YAF2: variants seen among roughly 807,000 people sequenced by gnomAD.
YAF2 encodes the protein YY1 associated factor 2, also known as YY1-associated factor 2.
YAF2 carries 7 observed loss-of-function variants against 20.1 expected under a neutral mutation model. The ratio of observed to expected loss-of-function variants is 0.35; its 90% CI spans 0.20 to 0.65. The LOEUF is 0.65. Ranked by LOEUF, YAF2 falls within the 30% of genes least tolerant of loss-of-function variation. YAF2 has a pLI of 0.69. For synonymous variants in YAF2, 74 were observed against 76.0 expected, an observed-to-expected ratio of 0.97 and a Z score of 0.14; for missense variants, 151 against 219.2, an observed-to-expected ratio of 0.69 and a Z score of 1.96.
chr12:42,175,772 T>TAAAAAAAAAAAAAAAAAAAAAAAA (rs1277338221), intron 2 of YAF2, among the ~76,000 whole-genome samples: 62 of 88,844 alleles, frequency 7.0e-4, no homozygotes, highest in Non-Finnish European at 1.2e-3. Context: ...AAAAAAAAAT[T>TAAAAAAAAAAAAAAAAAAAAAAAA]AAAACAGGAA....
At chr12:42,166,347 G>A (rs1413891804) in intron 2 of YAF2, among the ~76,000 whole-genome samples, 2 of 152,150 alleles carry the variant, frequency 1.3e-5, no homozygotes, top group Non-Finnish European at 2.9e-5. Flanking sequence ...CTCTGCTTCA[G>A]AATTACCATT....
chr12:42,157,260 A>T lies in YAF2; in HGVS notation c.*3329T>A, dbSNP rs1367743146. ...GCAAAGAGAACAGAACACAAGAAGCATCCTCACTTCATAACAACCCACTCT... is the reference window on the plus strand; with the variant it reads ...GCAAAGAGAACAGAACACAAGAAGCTTCCTCACTTCATAACAACCCACTCT... On this transcript the variant is annotated 3_prime_UTR_variant, in exon 4 of 4. Transcript: ENST00000534854. 6.6e-6 allele frequency: 1 copy of T among 152,268 alleles called. No individual in the cohort carries two copies. Among genetic ancestry groups the T allele is most frequent in the Non-Finnish European group, 1.5e-5 (1 of 68,062 alleles). The allele number at this position is 152,268 out of a possible 1,614,324, so 9.4% of individuals were successfully genotyped here. A position where few individuals can be genotyped will look rare whatever the true frequency, so the allele number is the denominator to read the frequency against.
chr12:42,230,862 T>C (rs1039641352), intron 2 of YAF2, among the ~76,000 whole-genome samples: 3 of 151,084 alleles, frequency 2.0e-5, no homozygotes, highest in African/African-American at 7.3e-5. Context: ...GGAAGTAGAG[T>C]TTCAATTTAA....
chr12:42,184,449 A>G (rs1212968871), intron 2 of YAF2, among the ~76,000 whole-genome samples: 1 of 152,092 alleles, frequency 6.6e-6, no homozygotes, highest in Non-Finnish European at 1.5e-5. Context: ...AGCTGGGACT[A>G]CAGGCATGTG....
intron 2 of YAF2, among the ~76,000 whole-genome samples, chr12:42,215,924 CAAAAAATAAATA>C (rs1164908424): frequency 7.4e-6 from 1 of 135,226 alleles, no homozygotes; most frequent in Non-Finnish European, 1.6e-5. Flanking sequence ...GATTCCAGCT[CAAAAAATAAATA>C]AATAAATAAA....
intron 2 of YAF2, among the ~76,000 whole-genome samples, chr12:42,220,965 A>T (rs1008612770): frequency 2.0e-5 from 3 of 152,210 alleles, no homozygotes; most frequent in Admixed American, 2.0e-4. Context: ...ATATCAAAGA[A>T]GTGAGGATAT....
At chr12:42,169,575 G>T (rs1261084938) in intron 2 of YAF2, among the ~76,000 whole-genome samples, 1 of 151,446 alleles carries the variant, frequency 6.6e-6, no homozygotes, top group Non-Finnish European at 1.5e-5. Context: ...CACCACACCG[G>T]GCTAATTTTT....
intron 2 of YAF2, among the ~76,000 whole-genome samples, chr12:42,179,789 C>CAAAAAA (rs71084622): frequency 4.2e-4 from 36 of 85,146 alleles, no homozygotes; most frequent in Admixed American, 5.9e-4. Flanking sequence ...GTCTAAAAGG[C>CAAAAAA]AAAAAAAAAA....
At chr12:42,222,769 T>C (rs1272412660) in intron 2 of YAF2, among the ~76,000 whole-genome samples, 2 of 152,150 alleles carry the variant, frequency 1.3e-5, no homozygotes, top group East Asian at 3.8e-4. Flanking sequence ...TTTTTCCTTT[T>C]CTTTCAAAAG....
At chr12:42,210,312 G>A (rs2067169280) in intron 2 of YAF2, 1 of 1,359,108 alleles carries the variant, frequency 7.4e-7, no homozygotes, top group Non-Finnish European at 9.9e-7. Context: ...ACAAAATTTG[G>A]GGGGAAAAAA....
chr12:42,214,424 A>AC (rs2067296147), intron 2 of YAF2, among the ~76,000 whole-genome samples: 1 of 152,056 alleles, frequency 6.6e-6, no homozygotes, highest in South Asian at 2.1e-4. Context: ...GGCTCATGCT[A>AC]CCATGCCCGG....
chr12:42,202,518 C>T (rs1176067233), intron 2 of YAF2, among the ~76,000 whole-genome samples: 3 of 152,174 alleles, frequency 2.0e-5, no homozygotes, highest in Non-Finnish European at 2.9e-5. Context: ...TCATACAATA[C>T]GTAATCCTTG....
intron 2 of YAF2, among the ~76,000 whole-genome samples, chr12:42,170,419 T>C (rs550868565): frequency 1.3e-5 from 2 of 152,364 alleles, no homozygotes; most frequent in South Asian, 4.1e-4. Flanking sequence ...CGTATCTTAA[T>C]GATAACAAAG....
rs1282027965 is a variant in YAF2, at chr12:42,208,357, C to T, written c.152+29242G>A. On this transcript the variant is annotated intron_variant, in intron 2 of 3. Coordinates refer to ENST00000534854, the MANE Select transcript of YAF2 (RefSeq NM_005748.6). ...AAGGGAATTGCTTGAACCTGGGAGG[C>T]GGAGGTTGCAGTGAACGGATATCAT... Among the ~76,000 whole-genome samples, 7 of 151,996 alleles carry T rather than the reference C, an allele frequency of 4.6e-5. No individual in the cohort carries two copies. The South Asian group carries it at 6.3e-4, about 14-fold the overall frequency.
rs928771796 is a variant in YAF2, at chr12:42,158,682, G to A, written c.*1907C>T. 6.6e-6 allele frequency: 1 copy of A among 152,120 alleles called. No individual in the cohort carries two copies. The highest frequency in any genetic ancestry group is 2.4e-5 in the African/African-American group (1 of 41,440). The allele number at this position is 152,120 out of a possible 1,614,324, so 9.4% of individuals were successfully genotyped here. ...TGTTCCCGTCTATGTAGAAAGATGAGTATCTTCCCACCTATGTAGAAATAT... is the reference window on the plus strand; with the variant it reads ...TGTTCCCGTCTATGTAGAAAGATGAATATCTTCCCACCTATGTAGAAATAT... On this transcript the variant is annotated 3_prime_UTR_variant, in exon 4 of 4. Coordinates refer to ENST00000534854, the MANE Select transcript of YAF2 (RefSeq NM_005748.6).
rs1279836408 is a variant in YAF2, at chr12:42,238,190, A to G, written c.-10T>C. 1 of 1,495,190 alleles carries G rather than the reference A, an allele frequency of 6.7e-7. No individual in the cohort carries two copies. Among genetic ancestry groups the G allele is most frequent in the Non-Finnish European group, 9.0e-7 (1 of 1,116,660 alleles). 92.6% of individuals were successfully genotyped at this position (1,495,190 alleles called of 1,614,324 possible). On this transcript the variant is annotated 5_prime_UTR_variant, in exon 1 of 4. Transcript: ENST00000534854. ...TCTTCTTGTCTCCCATGGCTTGGCT[A>G]TCACCGCACGCCGAGAGTCGCCGCC...
chr12:42,213,324 A>T (rs2067264657), intron 2 of YAF2, among the ~76,000 whole-genome samples: 1 of 152,222 alleles, frequency 6.6e-6, no homozygotes, highest in Non-Finnish European at 1.5e-5. Flanking sequence ...TTGCAAATGG[A>T]TCCTTCCTCA....
chr12:42,171,359 A>G (rs1421667763), intron 2 of YAF2, among the ~76,000 whole-genome samples: 2 of 152,110 alleles, frequency 1.3e-5, no homozygotes, highest in Admixed American at 1.3e-4. Flanking sequence ...ATAGTGGTGC[A>G]TGCCTGTAGT....
chr12:42,183,701 T>C (rs937041172), intron 2 of YAF2, among the ~76,000 whole-genome samples: 8 of 152,232 alleles, frequency 5.3e-5, no homozygotes, highest in African/African-American at 1.9e-4. Context: ...CAAGTGCTTA[T>C]ATAAAAACTG....
Sources: allele counts gnomAD v4.1 joint callset (sites outside exome capture counted in the v4.1 genomes callset), GRCh38; gene constraint gnomAD v4.1.1; transcripts MANE v1.5; gene names NCBI Gene and HGNC (gene_info 2026-07-23, HGNC 2026-07-21).